Variants in FCHO2 observed in about 807,000 individuals in gnomAD.
FCHO2 encodes the protein FCH and mu domain containing endocytic adaptor 2.
FCHO2 carries 43 observed loss-of-function variants against 114.1 expected under a neutral mutation model. That is an observed-to-expected ratio of 0.38 (90% confidence interval 0.30 to 0.49). The LOEUF is 0.49. Ranked by LOEUF, FCHO2 falls within the 20% of genes least tolerant of loss-of-function variation. The pLI, the probability that FCHO2 is intolerant of heterozygous loss-of-function variation, is 0.97. For missense variants in FCHO2, 807 were observed against 950.4 expected (o/e 0.85, Z 1.98); for synonymous variants, 293 against 315.2 (o/e 0.93, Z 0.75).
chr5:73,042,063 A>G (rs1028414080), intron 11 of FCHO2, among the ~76,000 whole-genome samples: 4 of 152,192 alleles, frequency 2.6e-5, no homozygotes, highest in South Asian at 2.1e-4. Flanking sequence ...AGTGTAACAA[A>G]ATAACTAAAA....
At chr5:73,033,079 C>T (rs1306962901) in intron 8 of FCHO2, among the ~76,000 whole-genome samples, 2 of 152,160 alleles carry the variant, frequency 1.3e-5, no homozygotes, top group African/African-American at 4.8e-5. Context: ...ATTCTAAGAA[C>T]AAGCTCAGTA....
chr5:72,975,475 C>T (rs778343176), intron 2 of FCHO2, among the ~76,000 whole-genome samples: 8 of 151,958 alleles, frequency 5.3e-5, no homozygotes, highest in South Asian at 4.2e-4. Context: ...TATAGCCCTG[C>T]GCCATCATGT....
intron 2 of FCHO2, among the ~76,000 whole-genome samples, chr5:72,980,549 T>G (rs1435682696): frequency 6.6e-6 from 1 of 152,218 alleles, no homozygotes; most frequent in Non-Finnish European, 1.5e-5. Context: ...AGCGGGGTGT[T>G]AAAGTCTCCC....
At chr5:73,027,014 G>GT (rs1274762402) in intron 8 of FCHO2, among the ~76,000 whole-genome samples, 6 of 114,856 alleles carry the variant, frequency 5.2e-5, no homozygotes, top group Middle Eastern at 4.1e-3. Flanking sequence ...TTTTTTGTTT[G>GT]TTTGTTTTTT....
chr5:72,969,896 C>T (rs764014030), intron 2 of FCHO2, among the ~76,000 whole-genome samples: 2 of 152,018 alleles, frequency 1.3e-5, no homozygotes, highest in Admixed American at 6.6e-5. Flanking sequence ...CTTATTTTGT[C>T]TTTTTGCTCT....
intron 10 of FCHO2, among the ~76,000 whole-genome samples, chr5:73,041,054 A>G (rs1029485115): frequency 3.9e-5 from 6 of 152,232 alleles, no homozygotes; most frequent in Middle Eastern, 3.4e-3. Flanking sequence ...GTTAGAAAAA[A>G]AGGAATACTT....
chr5:73,082,960 G>A (rs958292213), intron 24 of FCHO2, 135 bp downstream of exon 24: 3 of 679,006 alleles, frequency 4.4e-6, no homozygotes, highest in African/African-American at 1.9e-5. Flanking sequence ...TGCAACCTCC[G>A]CCTGCTGGGT....
chr5:73,086,598 A>C (rs1310194396), intron 24 of FCHO2, among the ~76,000 whole-genome samples: 2 of 152,178 alleles, frequency 1.3e-5, no homozygotes, highest in African/African-American at 4.8e-5. Flanking sequence ...TATTAGCCCT[A>C]GTTCAGATCC....
At chr5:73,077,697 A>T (rs1742958575) in intron 21 of FCHO2, among the ~76,000 whole-genome samples, 1 of 152,128 alleles carries the variant, frequency 6.6e-6, no homozygotes, top group African/African-American at 2.4e-5. Flanking sequence ...AACAAGAACA[A>T]AAATTAGCTG....
At chr5:72,957,211 A>T (rs1386469829) in intron 1 of FCHO2, among the ~76,000 whole-genome samples, 1 of 151,086 alleles carries the variant, frequency 6.6e-6, no homozygotes, top group Non-Finnish European at 1.5e-5. Flanking sequence ...TTTGTTTTTT[A>T]AACAGCTTTA....
chr5:73,078,896 A>T (rs1743002204), intron 22 of FCHO2, among the ~76,000 whole-genome samples: 1 of 152,212 alleles, frequency 6.6e-6, no homozygotes, highest in South Asian at 2.1e-4. Flanking sequence ...ATTCACAAAG[A>T]ACAATTAGGA....
intron 8 of FCHO2, among the ~76,000 whole-genome samples, chr5:73,029,151 A>G (rs1469931313): frequency 2.0e-5 from 3 of 152,214 alleles, no homozygotes; most frequent in Admixed American, 2.0e-4. Flanking sequence ...GTAGTTTATC[A>G]TATGTTAATT....
chr5:73,086,979 C>T (rs151266411), intron 24 of FCHO2, among the ~76,000 whole-genome samples: 3 of 152,248 alleles, frequency 2.0e-5, no homozygotes, highest in Non-Finnish European at 2.9e-5. Context: ...CCTGTAGCTC[C>T]TCAGAGCTCC....
At position 73,054,547 on chromosome 5, in the gene FCHO2, C is replaced by T. The variant is rs139706847; in HGVS notation, c.1208C>T (p.Ser403Phe). 2 of 1,538,528 alleles carry T rather than the reference C, an allele frequency of 1.3e-6. No homozygotes were observed. The highest frequency in any genetic ancestry group is 2.5e-5 in the East Asian group (1 of 40,134). The change falls in exon 15 of 26, where the codon TCT (serine) becomes TTT (phenylalanine). Residue 403 changes from serine to phenylalanine, a missense_variant and splice_region_variant. Coordinates refer to ENST00000430046, the MANE Select transcript of FCHO2 (RefSeq NM_138782.3). ...HSPVQMNRNL[S>F]NEELTKSKPS... ...TAGGTACAGATGAATCGGAATTTGTCTAGTAAGTTTGACATTTGAATTGTT... is the reference window on the plus strand; with the variant it reads ...TAGGTACAGATGAATCGGAATTTGTTTAGTAAGTTTGACATTTGAATTGTT...
Position 73,015,609 on chromosome 5 carries a change from TTGTATA to T in FCHO2, c.601-13_601-8del, listed in dbSNP as rs754716002. ...CTGTATATGTTATAAATCTATAACT[TTGTATA>T]TGTTACCCAGAAATTTCAAGATATT... On this transcript the variant is annotated splice_polypyrimidine_tract_variant and intron_variant, in intron 6 of 25. Coordinates refer to ENST00000430046, the MANE Select transcript of FCHO2 (RefSeq NM_138782.3). The T allele has an allele frequency of 4.3e-6, 6 of 1,409,254 alleles. No homozygotes were observed. Among genetic ancestry groups the T allele is most frequent in the Non-Finnish European group, 2.9e-6 (3 of 1,019,980 alleles). The allele number at this position is 1,409,254 out of a possible 1,614,324, so 87.3% of individuals were successfully genotyped here. A position where few individuals can be genotyped will look rare whatever the true frequency, so the allele number is the denominator to read the frequency against.
chr5:73,084,486 G>C (rs571172650), intron 24 of FCHO2, among the ~76,000 whole-genome samples: 30 of 152,182 alleles, frequency 2.0e-4, no homozygotes, highest in African/African-American at 6.7e-4. Flanking sequence ...GGCTGGTCTT[G>C]AACTCCTGAC....
At chr5:73,034,427 T>C in intron 8 of FCHO2, 1 of 384,868 alleles carries the variant, frequency 2.6e-6, no homozygotes, top group Non-Finnish European at 4.6e-6. Flanking sequence ...TAAATTATTG[T>C]GATCATAATG....
intron 10 of FCHO2, among the ~76,000 whole-genome samples, chr5:73,039,572 C>A (rs1756702044): frequency 6.6e-6 from 1 of 152,144 alleles, no homozygotes; most frequent in Admixed American, 6.5e-5. Context: ...TGTTTCTCAT[C>A]TACCAGTAAG....
At chr5:72,981,342 G>A (rs546164595) in intron 2 of FCHO2, among the ~76,000 whole-genome samples, 3 of 152,226 alleles carry the variant, frequency 2.0e-5, no homozygotes, top group Admixed American at 6.5e-5. Flanking sequence ...TCCCTTTGTG[G>A]GTAACCCGAC....
Sources: gnomAD v4.1 joint callset for allele counts (sites outside exome capture counted in the v4.1 genomes callset) on GRCh38, gnomAD v4.1.1 for gene constraint, MANE v1.5 for transcripts, NCBI Gene and HGNC (gene_info 2026-07-23, HGNC 2026-07-21) for gene names.